MCCC1: variants seen among roughly 807,000 people sequenced by gnomAD.
The protein encoded by MCCC1 is methylcrotonyl-CoA carboxylase subunit 1.
A neutral mutation model predicts 83.8 loss-of-function variants in MCCC1; 64 were observed. That is an observed-to-expected ratio of 0.76 (90% CI 0.62 to 0.94). The LOEUF is 0.94. Ranked by LOEUF, MCCC1 falls within the 40% of genes least tolerant of loss-of-function variation. MCCC1 has a pLI of 0.00. For synonymous variants in MCCC1, 322 were observed against 315.4 expected (o/e 1.02, Z -0.22); for missense variants, 807 against 904.7 (o/e 0.89, Z 1.39).
intron 4 of MCCC1, among the ~76,000 whole-genome samples, chr3:183,084,747 C>T (rs148782800): frequency 6.6e-6 from 1 of 152,054 alleles, no homozygotes; most frequent in East Asian, 1.9e-4. Flanking sequence ...CACAGGGAGG[C>T]TCCATCTCTA....
At chr3:183,036,830 C>T (rs577122393) in intron 13 of MCCC1, among the ~76,000 whole-genome samples, 6 of 152,048 alleles carry the variant, frequency 3.9e-5, no homozygotes, top group Non-Finnish European at 8.8e-5. Context: ...CGTGCCACCA[C>T]GCCCAGCTAA....
intron 1 of MCCC1, among the ~76,000 whole-genome samples, chr3:183,095,143 C>T (rs1019121248): frequency 3.3e-5 from 5 of 151,914 alleles, no homozygotes; most frequent in African/African-American, 9.7e-5. Flanking sequence ...ATTAGCCGGG[C>T]GTCATGGCGG....
At chr3:183,040,556 C>CAAAAA (rs59767617) in intron 11 of MCCC1, among the ~76,000 whole-genome samples, 81,265 of 112,220 alleles carry the variant, frequency 0.72, 31,507 homozygotes, top group Non-Finnish European at 0.86. Flanking sequence ...ACTAAAAATA[C>CAAAAA]AAAAAAAAAA....
At chr3:183,096,108 G>A (rs972128170) in intron 1 of MCCC1, among the ~76,000 whole-genome samples, 5 of 152,138 alleles carry the variant, frequency 3.3e-5, no homozygotes, top group African/African-American at 4.8e-5. Flanking sequence ...GGCTGAGGTG[G>A]GGGGATTACC....
rs1000990750 is a variant in MCCC1 at position 183,092,644 on chromosome 3, T to G, written c.137-99A>C. ...AACTGGCTGATAAGGACTCGACTGA[T>G]AAGTTCAAGGTTTTTGGTAAAACTA... On this transcript the variant is annotated intron_variant, in intron 2 of 18. Transcript: ENST00000265594. 7.3e-6 allele frequency: 11 copies of G among 1,502,674 alleles called. No individual in the cohort carries two copies. In the African/African-American group the frequency reaches 1.4e-4, roughly 19 times the overall value. The allele number at this position is 1,502,674 out of a possible 1,614,324, so 93.1% of individuals were successfully genotyped here.
At chr3:183,053,877 A>G (rs926897359) in intron 8 of MCCC1, among the ~76,000 whole-genome samples, 4 of 138,558 alleles carry the variant, frequency 2.9e-5, no homozygotes, top group African/African-American at 1.0e-4. Flanking sequence ...GCTATAAAGA[A>G]TTTTTTTTTT....
chr3:183,041,670 T>G lies in MCCC1; in HGVS notation c.1164A>C (p.Ala388=). Residue 388 remains alanine, a synonymous_variant, in exon 11 of 19, where the codon GCA becomes GCC. Transcript: ENST00000265594. ...QGHAFEARIY[A]EDPSNNFMPV... ...GCATGAAGTTATTGCTAGGATCTTC[T>G]GCATATATTCTAGCTTCGAAGGCAT... 6.2e-7 allele frequency: 1 copy of G among 1,614,246 alleles called. No individual in the cohort carries two copies. The highest frequency in any genetic ancestry group is 8.5e-7 in the Non-Finnish European group (1 of 1,180,040).
At chr3:183,074,951 A>C (rs1560261733) in intron 4 of MCCC1, among the ~76,000 whole-genome samples, 1 of 152,158 alleles carries the variant, frequency 6.6e-6, no homozygotes, top group African/African-American at 2.4e-5. Context: ...TCCCACTTCT[A>C]AGTGAGAACA....
chr3:183,016,604 A>C (rs150024850), intron 18 of MCCC1, among the ~76,000 whole-genome samples: 3,116 of 152,240 alleles, frequency 0.02, 58 homozygotes, highest in Non-Finnish European at 0.034. Context: ...AATTTTTTCA[A>C]ATCTCCCCAG....
intron 7 of MCCC1, among the ~76,000 whole-genome samples, chr3:183,059,601 C>A (rs1029604931): frequency 2.6e-5 from 4 of 152,146 alleles, no homozygotes; most frequent in African/African-American, 9.7e-5. Context: ...TTCTCTAATT[C>A]TTTTCTATTA....
intron 2 of MCCC1, among the ~76,000 whole-genome samples, chr3:183,092,791 CATAAA>C (rs1191969553): frequency 6.6e-6 from 1 of 152,094 alleles, no homozygotes; most frequent in East Asian, 1.9e-4. Context: ...TACAAAGCAA[CATAAA>C]ATAAAATTAA....
chr3:183,036,965 G>A lies in MCCC1; in HGVS notation c.1594+253C>T, dbSNP rs183831150. Among the ~76,000 whole-genome samples, 276 of 152,164 alleles carry A rather than the reference G, an allele frequency of 1.8e-3. 1 individual carries two copies. Among genetic ancestry groups the A allele is most frequent in the Non-Finnish European group, 3.3e-3 (223 of 68,016 alleles). On this transcript the variant is annotated intron_variant, in intron 13 of 18. Transcript: ENST00000265594. ...TGGGATTACAGACGTGAGCCACCGC[G>A]CCTGGCCAAAGAGATCCATTTCTAC...
intron 12 of MCCC1, 24 bp downstream of exon 12, chr3:183,039,002 C>T: frequency 6.2e-7 from 1 of 1,605,888 alleles, no homozygotes; most frequent in Non-Finnish European, 8.5e-7. Context: ...ATCAAGGTCA[C>T]TGGCACGGTC....
chr3:183,031,285 A>G (rs1306846618), intron 14 of MCCC1, among the ~76,000 whole-genome samples: 1 of 152,206 alleles, frequency 6.6e-6, no homozygotes, highest in Non-Finnish European at 1.5e-5. Context: ...AATCTTTGGA[A>G]AGTGTTTAAT....
chr3:183,030,675 C>T (rs1712989933), intron 14 of MCCC1, among the ~76,000 whole-genome samples: 1 of 152,210 alleles, frequency 6.6e-6, no homozygotes, highest in Non-Finnish European at 1.5e-5. Flanking sequence ...CCAGGGCCCG[C>T]ACTCTTGACC....
intron 15 of MCCC1, among the ~76,000 whole-genome samples, chr3:183,023,970 G>C (rs1051437415): frequency 6.6e-6 from 1 of 152,178 alleles, no homozygotes; most frequent in Non-Finnish European, 1.5e-5. Context: ...GACTAAGAAG[G>C]CCAGGCGTGG....
chr3:183,032,023 T>C lies in MCCC1; in HGVS notation c.1681+1968A>G, dbSNP rs1713123815. On this transcript the variant is annotated intron_variant, in intron 14 of 18. Transcript: ENST00000265594. ...TCTATTTAATTGTGGTCATTGCTTA[T>C]TAGCATTTTTTGGAGACTTAGCTAT... Among the ~76,000 whole-genome samples, 2 of 152,170 alleles carry C rather than the reference T, an allele frequency of 1.3e-5. 1 individual carries two copies. Among genetic ancestry groups the C allele is most frequent in the South Asian group, 4.1e-4 (2 of 4,828 alleles).
chr3:183,058,259 A>G (rs1715572176), intron 7 of MCCC1, among the ~76,000 whole-genome samples: 1 of 152,208 alleles, frequency 6.6e-6, no homozygotes, highest in African/African-American at 2.4e-5. Flanking sequence ...GAAAAGTTAA[A>G]TGTATTAAAT....
At position 183,020,128 on chromosome 3, in the gene MCCC1, A is replaced by G; in HGVS notation, c.1977+2T>C. The G allele has an allele frequency of 6.2e-7, 1 of 1,606,028 alleles. No homozygotes were observed. Among genetic ancestry groups the G allele is most frequent in the Non-Finnish European group, 8.5e-7 (1 of 1,172,698 alleles). On this transcript the variant is annotated splice_donor_variant, in intron 17 of 18. Coordinates refer to ENST00000265594, the MANE Select transcript of MCCC1 (RefSeq NM_020166.5). LOFTEE classifies it high-confidence loss of function. The stretch of plus-strand genomic sequence containing the variant: ...ATCATTCTACAGATGTCATGTGATT[A>G]CCTTTTCAATGGTTCCAGTCATAGG...
Sources: allele counts gnomAD v4.1 joint callset (sites outside exome capture counted in the v4.1 genomes callset), GRCh38; gene constraint gnomAD v4.1.1; transcripts MANE v1.5; gene names NCBI Gene and HGNC (gene_info 2026-07-23, HGNC 2026-07-21).